The following INTS7 variants were observed in gnomAD, a reference collection of about 807,000 sequenced individuals.
The protein encoded by INTS7 is integrator complex subunit 7.
A neutral mutation model predicts 109.2 loss-of-function variants in INTS7; 46 were observed. The ratio of observed to expected loss-of-function variants is 0.42; its 90% CI spans 0.33 to 0.54. The LOEUF is 0.54. Ranked by LOEUF, INTS7 falls within the 20% of genes least tolerant of loss-of-function variation. The probability of loss-of-function intolerance (pLI) is 0.07; values close to 1 mark genes in which losing one functional copy is unlikely to be tolerated. For missense variants in INTS7, 929 were observed against 1,132.4 expected (o/e 0.82, Z 2.58); for synonymous variants, 412 against 402.9 (o/e 1.02, Z -0.27).
Position 212,021,170 on chromosome 1 carries a change from A to T in INTS7, c.137T>A (p.Val46Asp). 1 of 1,613,576 alleles carries T rather than the reference A, an allele frequency of 6.2e-7. No homozygotes were observed. Among genetic ancestry groups the T allele is most frequent in the Non-Finnish European group, 8.5e-7 (1 of 1,179,596 alleles). Reference sequence around the variant, plus strand: ...CTTCTGAAAAAGTCTGGGAAAGCGAACAACTGCTTCACACTGTTCACCAAG... The same window carrying T: ...CTTCTGAAAAAGTCTGGGAAAGCGATCAACTGCTTCACACTGTTCACCAAG... ...GKLGEQCEAV[V>D]RFPRLFQKYP... The change falls in exon 2 of 20, where the codon GTT (valine) becomes GAT (aspartate). Residue 46 changes from valine (V) to aspartate (D), a missense_variant. Physicochemically the swap from Val to Asp is radical, Grantham distance 152. Around this residue, in one of 2 missense-constraint regions of INTS7, gnomAD observed 142 missense variants for 231.4 expected, o/e 0.61. Transcript: ENST00000366994.
rs189912774 is a variant in INTS7, at chr1:212,004,479, T to C, written c.879+2160A>G. ...ATGTAAAAGAAAACTAAAGTAGTGATATTAATATCAGACGAAATAGACTAG... is the reference window on the plus strand; with the variant it reads ...ATGTAAAAGAAAACTAAAGTAGTGACATTAATATCAGACGAAATAGACTAG... On this transcript the variant is annotated intron_variant, in intron 7 of 19. Transcript: ENST00000366994. Among the ~76,000 whole-genome samples, 397 of 152,320 alleles carry C rather than the reference T, an allele frequency of 2.6e-3. 1 individual carries two copies. Among genetic ancestry groups the C allele is most frequent in the Non-Finnish European group, 4.6e-3 (310 of 68,026 alleles).
chr1:211,954,073 C>T (rs1663243256), intron 16 of INTS7, among the ~76,000 whole-genome samples: 1 of 152,272 alleles, frequency 6.6e-6, no homozygotes, highest in Non-Finnish European at 1.5e-5. Flanking sequence ...TGTTTCCTGA[C>T]TTTTTAATGA....
rs146381254 is a variant in INTS7, at chr1:212,013,986, C to A, written c.510-2565G>T. Among the ~76,000 whole-genome samples the A allele has an allele frequency of 5.4e-3, 822 of 152,302 alleles. 4 individuals carry two copies. Among genetic ancestry groups the A allele is most frequent in the African/African-American group, 0.019 (779 of 41,556 alleles). ...TTAAAAGTCCTCTCAATACCAACGA[C>A]TCTCTCAATGAGGGAAAAAAATGCT... On this transcript the variant is annotated intron_variant, in intron 4 of 19. Coordinates refer to ENST00000366994, the MANE Select transcript of INTS7 (RefSeq NM_015434.4).
At chr1:211,993,367 A>G (rs1204735729) in intron 7 of INTS7, among the ~76,000 whole-genome samples, 7 of 152,188 alleles carry the variant, frequency 4.6e-5, no homozygotes, top group Non-Finnish European at 1.0e-4. Flanking sequence ...GAGGTTGCAT[A>G]AATCAAATAT....
chr1:211,978,555 C>G, intron 10 of INTS7, 44 bp from the exon 11 acceptor site: 1 of 1,609,236 alleles, frequency 6.2e-7, no homozygotes, highest in South Asian at 1.1e-5. Flanking sequence ...TTTGAAGATA[C>G]AGATGAAGCT....
At chr1:211,944,569 T>C (rs566874791) in intron 19 of INTS7, among the ~76,000 whole-genome samples, 3 of 152,330 alleles carry the variant, frequency 2.0e-5, no homozygotes, top group South Asian at 4.1e-4. Context: ...ATTTTGATCT[T>C]TGCCTGGATG....
At chr1:211,994,280 G>A (rs1665272988) in intron 7 of INTS7, among the ~76,000 whole-genome samples, 1 of 151,938 alleles carries the variant, frequency 6.6e-6, no homozygotes, top group African/African-American at 2.4e-5. Flanking sequence ...TTTAGAAAAG[G>A]TTAAATCGTT....
intron 7 of INTS7, among the ~76,000 whole-genome samples, chr1:211,998,717 A>G (rs1171721737): frequency 1.3e-5 from 2 of 152,246 alleles, no homozygotes; most frequent in Non-Finnish European, 2.9e-5. Flanking sequence ...ACTTCTTTTT[A>G]AAAGACAGAT....
rs371374178 is a variant in INTS7 at position 211,991,258 on chromosome 1, A to C, written c.880-3255T>G. Among the ~76,000 whole-genome samples, 5 of 152,222 alleles carry C rather than the reference A, an allele frequency of 3.3e-5. No homozygotes were observed. The East Asian group carries it at 7.7e-4, about 23-fold the overall frequency. On this transcript the variant is annotated intron_variant, in intron 7 of 19. Coordinates refer to ENST00000366994, the MANE Select transcript of INTS7 (RefSeq NM_015434.4). ...AAGAAATATCCACCAGGCATTTGGA[A>C]TCTAAGATACAGCAAATTTTTAACT... is the stretch of plus-strand genomic sequence containing the variant.
intron 10 of INTS7, among the ~76,000 whole-genome samples, chr1:211,979,382 C>T (rs2102424795): frequency 6.6e-6 from 1 of 152,300 alleles, no homozygotes; most frequent in South Asian, 2.1e-4. Context: ...CCCTTATTAG[C>T]TAGGTGGCTT....
chr1:212,007,343 C>A lies in INTS7; in HGVS notation c.663G>T (p.Leu221=), dbSNP rs754707998. 10 of 1,613,804 alleles carry A rather than the reference C, an allele frequency of 6.2e-6. No homozygotes were observed. The Admixed American group carries it at 1.2e-4, about 19-fold the overall frequency. The part of the protein sequence containing the change: ...ASSARQLLQQ[L]VTSYPSTKMV... ...TTTTGGTGGACGGATAGGATGTGAC[C>A]AGCTGTTGTAAAAGCTGACGAGCAC... Residue 221 remains leucine (L), a synonymous_variant, in exon 6 of 20, where the codon CTG becomes CTT. Transcript: ENST00000366994.
chr1:211,968,460 C>T, intron 14 of INTS7, 53 bp downstream of exon 14: 1 of 1,453,992 alleles, frequency 6.9e-7, no homozygotes, highest in South Asian at 1.3e-5. Flanking sequence ...CATCTTATAA[C>T]TTCGAAAACC....
intron 13 of INTS7, 87 bp from the exon 14 acceptor site, chr1:211,968,794 T>C: frequency 1.0e-6 from 1 of 961,094 alleles, no homozygotes. Flanking sequence ...CAGTTTGTGG[T>C]CAAGTGCAGT....
chr1:211,964,699 C>T (rs1166102349), intron 16 of INTS7, among the ~76,000 whole-genome samples: 1 of 152,106 alleles, frequency 6.6e-6, no homozygotes, highest in Admixed American at 6.6e-5. Context: ...TTTGACAAAG[C>T]TGACAAAAAC....
chr1:211,998,919 A>G (rs1665534242), intron 7 of INTS7, among the ~76,000 whole-genome samples: 1 of 152,242 alleles, frequency 6.6e-6, no homozygotes, highest in South Asian at 2.1e-4. Flanking sequence ...ATCATTAGCC[A>G]TTAGGAAAGC....
intron 17 of INTS7, 75 bp downstream of exon 17, chr1:211,952,492 TCA>T: frequency 6.9e-7 from 1 of 1,447,790 alleles, no homozygotes; most frequent in Non-Finnish European, 9.5e-7. Context: ...TTTGTTGAAC[TCA>T]CACAGTAAGT....
intron 7 of INTS7, among the ~76,000 whole-genome samples, chr1:211,997,199 C>A (rs964010325): frequency 1.2e-4 from 18 of 151,382 alleles, no homozygotes; most frequent in African/African-American, 4.1e-4. Flanking sequence ...ATGGAAAAAA[C>A]AAAACAAAAC....
At chr1:212,007,714 T>G (rs1311145426) in intron 5 of INTS7, among the ~76,000 whole-genome samples, 7 of 152,126 alleles carry the variant, frequency 4.6e-5, no homozygotes, top group South Asian at 4.1e-4. Context: ...GAAAGCAAAG[T>G]CATATTTGCT....
chr1:212,035,244 T>C, intron 1 of INTS7, 100 bp downstream of exon 1: 3 of 803,992 alleles, frequency 3.7e-6, no homozygotes, highest in East Asian at 5.1e-5. Context: ...AGCGAAGACA[T>C]GCGCATGCGC....
Sources: allele counts gnomAD v4.1 joint callset (sites outside exome capture counted in the v4.1 genomes callset), GRCh38; gene constraint gnomAD v4.1.1; regional missense constraint gnomAD v4.1.1; transcripts MANE v1.5; gene names NCBI Gene and HGNC (gene_info 2026-07-23, HGNC 2026-07-21).